Variants in KDM3B observed in about 807,000 individuals in gnomAD.
The protein encoded by KDM3B is lysine-specific demethylase 3B.
In KDM3B, 10 loss-of-function variants were observed where a neutral mutation model predicts 170.0. The observed-to-expected ratio is 0.06, with a 90% confidence interval of 0.04 to 0.10. The LOEUF (loss-of-function observed/expected upper bound fraction) is 0.10, where lower values mean the gene tolerates loss of function less well. KDM3B is among the 10% of genes least tolerant of loss of function. The pLI is 1.00. For synonymous variants in KDM3B, 831 were observed against 834.8 expected (o/e 1.00, Z 0.08); for missense variants, 1,394 against 2,195.2 (o/e 0.64, Z 7.29).
intron 11 of KDM3B, among the ~76,000 whole-genome samples, chr5:138,405,674 C>T (rs1322554049): frequency 6.6e-6 from 1 of 152,146 alleles, no homozygotes; most frequent in African/African-American, 2.4e-5. Context: ...TGAAGAACAT[C>T]CTACATGGTA....
chr5:138,417,514 T>A lies in KDM3B; in HGVS notation c.3339T>A (p.Ala1113=). Residue 1113 remains alanine (A), a synonymous_variant, in exon 13 of 24, where the codon GCT becomes GCA. Coordinates refer to ENST00000314358, the MANE Select transcript of KDM3B (RefSeq NM_016604.4). ...ACAATATTGGAGACATGGTACATGC[T>A]GCCCGGGGCAAGTGGGGAATTAAAG... is the stretch of plus-strand genomic sequence containing the variant. ...ALYNIGDMVH[A]ARGKWGIKAN... is the part of the protein sequence containing the mutation. 6.2e-7 allele frequency: 1 copy of A among 1,614,226 alleles called. No individual in the cohort carries two copies. The highest frequency in any genetic ancestry group is 1.6e-4 in the Middle Eastern group (1 of 6,062).
Position 138,433,686 on chromosome 5 carries a change from G to A in KDM3B, c.5206-1934G>A, listed in dbSNP as rs546149791. On this transcript the variant is annotated intron_variant, in intron 23 of 23. Transcript: ENST00000314358. ...CACCTCCCAAAGCGCTGGAATTACA[G>A]GAGTGAGCCACTGCACCCAGCCAAC... is the stretch of plus-strand genomic sequence containing the variant. Among the ~76,000 whole-genome samples the A allele has an allele frequency of 1.1e-4, 16 of 152,054 alleles. No individual in the cohort carries two copies. In the South Asian group the frequency reaches 3.3e-3, roughly 32 times the overall value.
chr5:138,354,658 C>G (rs1580868202), intron 1 of KDM3B, among the ~76,000 whole-genome samples: 1 of 152,312 alleles, frequency 6.6e-6, no homozygotes, highest in Non-Finnish European at 1.5e-5. Context: ...TTGCTGGACA[C>G]CCACTAAGCT....
At chr5:138,390,484 A>G (rs902693962) in intron 7 of KDM3B, among the ~76,000 whole-genome samples, 2 of 152,232 alleles carry the variant, frequency 1.3e-5, no homozygotes, top group Non-Finnish European at 2.9e-5. Flanking sequence ...ATTAATAAGG[A>G]AAACACTTTT....
At position 138,403,301 on chromosome 5, in the gene KDM3B, A is replaced by G. The variant is rs1174506741; in HGVS notation, c.3199+3289A>G. Among the ~76,000 whole-genome samples, 6 of 152,184 alleles carry G rather than the reference A, an allele frequency of 3.9e-5. No homozygotes were observed. In the East Asian group the frequency reaches 7.7e-4, roughly 20 times the overall value. The stretch of plus-strand genomic sequence containing the variant: ...ATCAGTAATTATCGAGTGTGCAAAA[A>G]TACCAACTTACATGACCAGTAAGCT... On this transcript the variant is annotated intron_variant, in intron 11 of 23. Transcript: ENST00000314358.
In KDM3B at chr5:138,375,126, G is replaced by A; in HGVS notation, c.394G>A (p.Gly132Ser). 2 of 1,613,316 alleles carry A rather than the reference G, an allele frequency of 1.2e-6. No individual in the cohort carries two copies. Among genetic ancestry groups the A allele is most frequent in the Non-Finnish European group, 1.7e-6 (2 of 1,179,346 alleles). ...TCCCCTTGTAGATAAACTGGGTTTG[G>A]GTTCTGTGGTTCCAGTGGAATATCT... ...FTPLVDKLGL[G>S]SVVPVEYLLD... The change falls in exon 3 of 24, where the codon GGT (glycine) becomes AGT (serine). Residue 132 changes from glycine to serine, a missense_variant. Physicochemically the swap from Gly to Ser is moderately conservative, Grantham distance 56. This residue lies in a region of KDM3B where 166 missense variants were observed against 216.4 expected (regional missense o/e 0.77). Transcript: ENST00000314358.
chr5:138,367,348 A>T (rs1245999087), intron 1 of KDM3B, among the ~76,000 whole-genome samples: 4 of 152,178 alleles, frequency 2.6e-5, no homozygotes, highest in Non-Finnish European at 5.9e-5. Context: ...TACTGTTATT[A>T]ATTATAGTAA....
chr5:138,429,975 T>G lies in KDM3B; in HGVS notation c.4893+10T>G, dbSNP rs149883352. 3.9e-4 allele frequency: 630 copies of G among 1,613,720 alleles called. No homozygotes were observed. Among genetic ancestry groups the G allele is most frequent in the Non-Finnish European group, 4.8e-4 (571 of 1,179,818 alleles). On this transcript the variant is annotated intron_variant, in intron 21 of 23. Transcript: ENST00000314358. The stretch of plus-strand genomic sequence containing the variant: ...GGAGCTGCTCCGAAAGGTACGCCCC[T>G]GGGTGGGCTGTGCTCCCAGCTCACA...
chr5:138,401,708 A>G (rs1193812531), intron 11 of KDM3B, among the ~76,000 whole-genome samples: 2 of 152,178 alleles, frequency 1.3e-5, no homozygotes, highest in Non-Finnish European at 2.9e-5. Context: ...GCCAGACTAT[A>G]TTCTAAAGTA....
At chr5:138,408,360 T>G (rs1384388922) in intron 11 of KDM3B, among the ~76,000 whole-genome samples, 1 of 150,452 alleles carries the variant, frequency 6.6e-6, no homozygotes, top group Non-Finnish European at 1.5e-5. Flanking sequence ...TTTCTTTTTT[T>G]CCTATTAAAC....
intron 1 of KDM3B, among the ~76,000 whole-genome samples, chr5:138,357,824 ATTC>A (rs1329283759): frequency 6.6e-6 from 1 of 151,134 alleles, no homozygotes; most frequent in African/African-American, 2.4e-5. Flanking sequence ...GGTTCAACCA[ATTC>A]TTCTGCCTCA....
rs1237305297 is a variant in KDM3B, at chr5:138,379,803, G to A, written c.705+95G>A. The A allele has an allele frequency of 3.2e-6, 4 of 1,240,572 alleles. No individual in the cohort carries two copies. In the Admixed American group the frequency reaches 7.8e-5, roughly 24 times the overall value. The allele number at this position is 1,240,572 out of a possible 1,614,324, so 76.8% of individuals were successfully genotyped here. On this transcript the variant is annotated intron_variant, in intron 5 of 23. Transcript: ENST00000314358. Reference sequence around the variant, plus strand: ...ACTTCATTATGTGTAAGATGACTTGGGTTTCATCCCTGGCTCTATTACTTA... The same window carrying A: ...ACTTCATTATGTGTAAGATGACTTGAGTTTCATCCCTGGCTCTATTACTTA...
intron 22 of KDM3B, 80 bp from the exon 23 acceptor site, chr5:138,431,345 T>A (rs939593410): frequency 4.7e-5 from 57 of 1,218,088 alleles, no homozygotes; most frequent in Middle Eastern, 4.0e-4. Context: ...AGGGTTTTTT[T>A]AACTATATCA....
At chr5:138,382,025 A>T (rs991990920) in intron 6 of KDM3B, among the ~76,000 whole-genome samples, 3 of 151,890 alleles carry the variant, frequency 2.0e-5, no homozygotes, top group Admixed American at 6.6e-5. Context: ...TGTATTCCCA[A>T]GTAGAATCAA....
chr5:138,374,007 T>C (rs1761936614), intron 2 of KDM3B, among the ~76,000 whole-genome samples: 2 of 152,216 alleles, frequency 1.3e-5, no homozygotes, highest in African/African-American at 4.8e-5. Flanking sequence ...TTTTGTTTTT[T>C]TCTTGAGACA....
At chr5:138,411,065 CCCCCAGG>C (rs1762955192) in intron 11 of KDM3B, among the ~76,000 whole-genome samples, 1 of 152,148 alleles carries the variant, frequency 6.6e-6, no homozygotes, top group South Asian at 2.1e-4. Flanking sequence ...TCTCTAAACT[CCCCCAGG>C]GAAAAGGAGA....
intron 9 of KDM3B, among the ~76,000 whole-genome samples, chr5:138,395,532 G>A (rs932080071): frequency 1.3e-5 from 2 of 152,198 alleles, no homozygotes; most frequent in African/African-American, 4.8e-5. Context: ...GGAGGCTAAG[G>A]TTGAAGGATC....
chr5:138,360,917 ACTTG>A (rs1218648737), intron 1 of KDM3B, among the ~76,000 whole-genome samples: 1 of 152,024 alleles, frequency 6.6e-6, no homozygotes, highest in South Asian at 2.1e-4. Context: ...TTTCTAAGGG[ACTTG>A]CTTCACTAAC....
intron 23 of KDM3B, among the ~76,000 whole-genome samples, chr5:138,434,694 A>AT (rs980311347): frequency 4.6e-5 from 7 of 151,932 alleles, no homozygotes; most frequent in African/African-American, 1.7e-4. Flanking sequence ...ATATAGATAT[A>AT]TTTTTTTAAT....
Sources: gnomAD v4.1 joint callset for allele counts (sites outside exome capture counted in the v4.1 genomes callset) on GRCh38, gnomAD v4.1.1 for gene constraint, gnomAD v4.1.1 regional missense constraint, MANE v1.5 for transcripts, NCBI Gene and HGNC (gene_info 2026-07-23, HGNC 2026-07-21) for gene names.